Variants in RBFOX1 observed in about 807,000 individuals in gnomAD.
RBFOX1 encodes RNA binding fox-1 homolog 1, also known as RNA binding protein fox-1 homolog 1.
RBFOX1 carries 8 observed loss-of-function variants against 57.7 expected under a neutral mutation model. That is an observed-to-expected ratio of 0.14 (90% confidence interval 0.08 to 0.25). RBFOX1 has a LOEUF of 0.25. Ranked by LOEUF, RBFOX1 falls within the 10% of genes least tolerant of loss-of-function variation. The pLI is 1.00. For synonymous variants in RBFOX1, 326 were observed against 222.4 expected (o/e 1.47, Z -4.15); for missense variants, 611 against 548.5 (o/e 1.11, Z -1.14).
chr16:6,548,363 C>G (rs2096924156), intron 2 of RBFOX1, among the ~76,000 whole-genome samples: 1 of 152,068 alleles, frequency 6.6e-6, no homozygotes, highest in African/African-American at 2.4e-5. Context: ...AGGCGGAGGT[C>G]TCAATATCAA....
chr16:6,180,336 CT>C (rs925721147), intron 1 of RBFOX1, among the ~76,000 whole-genome samples: 1 of 151,804 alleles, frequency 6.6e-6, no homozygotes, highest in African/African-American at 2.4e-5. Context: ...TCTATTTCCT[CT>C]TGAAATTTTG....
chr16:6,964,101 C>T (rs1293565480), intron 3 of RBFOX1, among the ~76,000 whole-genome samples: 1 of 152,058 alleles, frequency 6.6e-6, no homozygotes, highest in African/African-American at 2.4e-5. Context: ...TCACTGCAAC[C>T]TCCGCCTCCC....
intron 2 of RBFOX1, among the ~76,000 whole-genome samples, chr16:5,580,160 C>T (rs1403825709): frequency 6.6e-6 from 1 of 152,200 alleles, no homozygotes; most frequent in African/African-American, 2.4e-5. Flanking sequence ...TTCCCAGCTG[C>T]CTCCCTTGGC....
chr16:7,445,031 T>A (rs1746739578), intron 4 of RBFOX1, among the ~76,000 whole-genome samples: 1 of 152,156 alleles, frequency 6.6e-6, no homozygotes. Flanking sequence ...TTCTTCTTTT[T>A]TTCTTTTGGG....
rs188076493 is a variant in RBFOX1, at chr16:7,370,252, T to C, written c.28-147895T>C. 2.3e-3 allele frequency among the ~76,000 whole-genome samples: 347 copies of C among 152,290 alleles called. 2 individuals carry two copies. The highest frequency in any genetic ancestry group is 4.0e-3 in the Non-Finnish European group (269 of 68,016). On this transcript the variant is annotated intron_variant, in intron 4 of 15. Transcript: ENST00000550418. ...GGTAAAGTGGCCATTGATTGAGAACTACTGCTCTAAGTTATTTTCTTGGTA... is the reference window on the plus strand; with the variant it reads ...GGTAAAGTGGCCATTGATTGAGAACCACTGCTCTAAGTTATTTTCTTGGTA...
At chr16:7,045,459 T>C (rs1238339285) in intron 3 of RBFOX1, among the ~76,000 whole-genome samples, 12 of 152,206 alleles carry the variant, frequency 7.9e-5, no homozygotes, top group Admixed American at 7.9e-4. Context: ...ACAGCATGGC[T>C]ATTTCCTTGG....
At chr16:5,263,021 A>C (rs906043100) in intron 1 of RBFOX1, among the ~76,000 whole-genome samples, 49 of 152,014 alleles carry the variant, frequency 3.2e-4, no homozygotes, top group Admixed American at 3.2e-3. Flanking sequence ...AGATCATTAC[A>C]AATCTTTGGG....
At chr16:6,425,542 C>G (rs1348908936) in intron 2 of RBFOX1, among the ~76,000 whole-genome samples, 1 of 152,126 alleles carries the variant, frequency 6.6e-6, no homozygotes, top group African/African-American at 2.4e-5. Context: ...AATAGAAAGA[C>G]TGTGACTTCA....
At chr16:6,010,042 A>G (rs1192133603) in intron 4 of RBFOX1, among the ~76,000 whole-genome samples, 1 of 152,136 alleles carries the variant, frequency 6.6e-6, no homozygotes, top group Non-Finnish European at 1.5e-5. Context: ...CTTTCTTATC[A>G]GGCACGTGGC....
intron 4 of RBFOX1, among the ~76,000 whole-genome samples, chr16:7,288,138 A>G (rs2095686988): frequency 2.0e-5 from 3 of 152,166 alleles, no homozygotes. Flanking sequence ...GGGAAATCCT[A>G]GAGTGGTTTA....
At chr16:5,612,780 G>T (rs548189598) in intron 3 of RBFOX1, among the ~76,000 whole-genome samples, 2 of 152,244 alleles carry the variant, frequency 1.3e-5, no homozygotes, top group Non-Finnish European at 2.9e-5. Context: ...AGGCCAGGCC[G>T]TGGTGAGGAT....
intron 7 of RBFOX1, among the ~76,000 whole-genome samples, chr16:7,592,886 A>G (rs2094515721): frequency 6.6e-6 from 1 of 151,992 alleles, no homozygotes; most frequent in African/African-American, 2.4e-5. Context: ...ATCACAGCTC[A>G]CTGTAGCCTC....
intron 4 of RBFOX1, among the ~76,000 whole-genome samples, chr16:5,954,774 G>A (rs1478199981): frequency 6.6e-6 from 1 of 152,122 alleles, no homozygotes; most frequent in Non-Finnish European, 1.5e-5. Flanking sequence ...CATTTAAAAT[G>A]CTTCCTTCCT....
In RBFOX1 at chr16:6,614,355, T is replaced by C. The variant is rs1161655168; in HGVS notation, c.-63-40248T>C. ...TAAATATCATGCCAGGTATGAAGAA[T>C]TAACATCCCTGATTTTTCTTTTAGA... is the stretch of plus-strand genomic sequence containing the variant. On this transcript the variant is annotated intron_variant, in intron 2 of 15. Transcript: ENST00000550418. 2.6e-5 allele frequency among the ~76,000 whole-genome samples: 4 copies of C among 152,206 alleles called. No individual in the cohort carries two copies. The South Asian group carries it at 6.2e-4, about 24-fold the overall frequency.
intron 1 of RBFOX1, among the ~76,000 whole-genome samples, chr16:6,110,195 C>CTTTTTTTTTTTTTTTTTT (rs3049169): frequency 2.3e-5 from 3 of 128,224 alleles, no homozygotes; most frequent in Non-Finnish European, 3.2e-5. Context: ...TTTTCTTCTT[C>CTTTTTTTTTTTTTTTTTT]TTTTTTTTTT....
At chr16:5,672,734 G>T (rs1273301857) in intron 3 of RBFOX1, among the ~76,000 whole-genome samples, 2 of 151,892 alleles carry the variant, frequency 1.3e-5, no homozygotes, top group African/African-American at 4.8e-5. Context: ...AACTTTAGCG[G>T]TTGTTGGTTT....
intron 3 of RBFOX1, among the ~76,000 whole-genome samples, chr16:5,737,018 A>G (rs553327414): frequency 6.7e-6 from 1 of 149,880 alleles, no homozygotes; most frequent in South Asian, 2.1e-4. Context: ...TCTTTCCCTC[A>G]AGCACCTCCT....
intron 3 of RBFOX1, among the ~76,000 whole-genome samples, chr16:5,793,093 G>T (rs954570941): frequency 1.3e-5 from 2 of 152,186 alleles, no homozygotes; most frequent in African/African-American, 4.8e-5. Flanking sequence ...CCAGACCTCA[G>T]GCTATGTCCA....
intron 11 of RBFOX1, among the ~76,000 whole-genome samples, chr16:7,635,972 G>T (rs577303646): frequency 1.3e-5 from 2 of 152,114 alleles, no homozygotes; most frequent in Admixed American, 1.3e-4. Flanking sequence ...CACCATGCCC[G>T]GCTAATTTCT....
Sources: allele counts gnomAD v4.1 joint callset (sites outside exome capture counted in the v4.1 genomes callset), GRCh38; gene constraint gnomAD v4.1.1; transcripts MANE v1.5; gene names NCBI Gene and HGNC (gene_info 2026-07-23, HGNC 2026-07-21).